Variants in ADAMTSL3 observed in about 807,000 individuals in gnomAD.
ADAMTSL3 encodes the protein ADAMTS like 3, also known as ADAMTS-like protein 3.
ADAMTSL3 carries 128 observed loss-of-function variants against 201.7 expected under a neutral mutation model. That is an observed-to-expected ratio of 0.63 (90% CI 0.55 to 0.73). The LOEUF is 0.73. Ranked by LOEUF, ADAMTSL3 falls within the 30% of genes least tolerant of loss-of-function variation. The pLI is 0.00. For synonymous variants in ADAMTSL3, 738 were observed against 748.4 expected, an observed-to-expected ratio of 0.99 and a Z score of 0.23; for missense variants, 1,990 against 2,119.6, an observed-to-expected ratio of 0.94 and a Z score of 1.20.
intron 19 of ADAMTSL3, among the ~76,000 whole-genome samples, chr15:83,963,438 T>A (rs1342357278): frequency 6.6e-6 from 1 of 152,148 alleles, no homozygotes; most frequent in Non-Finnish European, 1.5e-5. Context: ...AAAGCCACTG[T>A]AGCCAGACTG....
chr15:83,999,942 A>G (rs1384508102), intron 23 of ADAMTSL3, among the ~76,000 whole-genome samples: 1 of 152,130 alleles, frequency 6.6e-6, no homozygotes, highest in African/African-American at 2.4e-5. Context: ...AAATTCCTAA[A>G]CATGGTCTCA....
rs146231437 is a variant in ADAMTSL3 at position 83,672,133 on chromosome 15, C to T, written c.69+16303C>T. On this transcript the variant is annotated intron_variant, in intron 2 of 29. Coordinates refer to ENST00000286744, the MANE Select transcript of ADAMTSL3 (RefSeq NM_207517.3). The stretch of plus-strand genomic sequence containing the variant: ...ATTTTAAACCCTGTCACCCTTAAAT[C>T]CAAATAGAAGTGACCACCCTGGGAA... 3.3e-5 allele frequency among the ~76,000 whole-genome samples: 5 copies of T among 152,090 alleles called. 1 individual carries two copies. The highest frequency in any genetic ancestry group is 7.4e-5 in the Non-Finnish European group (5 of 68,020).
At chr15:83,786,980 T>G (rs1043455491) in intron 4 of ADAMTSL3, among the ~76,000 whole-genome samples, 3 of 152,176 alleles carry the variant, frequency 2.0e-5, no homozygotes, top group African/African-American at 7.2e-5. Context: ...CAAATAGCAT[T>G]TATTGAAGGA....
chr15:83,693,550 C>A lies in ADAMTSL3; in HGVS notation c.70-10839C>A, dbSNP rs79110438. On this transcript the variant is annotated intron_variant, in intron 2 of 29. Transcript: ENST00000286744. ...CCTTTGAAATCTCCAAGGAAGATGG[C>A]AAGATCCAACTTGTCAGTTTAGATA... is the stretch of plus-strand genomic sequence containing the variant. 4.2e-3 allele frequency among the ~76,000 whole-genome samples: 645 copies of A among 152,188 alleles called. 3 individuals carry two copies. The highest frequency in any genetic ancestry group is 5.7e-3 in the Non-Finnish European group (385 of 67,992).
chr15:83,970,409 T>C, intron 19 of ADAMTSL3, 75 bp from the exon 20 acceptor site: 1 of 1,564,006 alleles, frequency 6.4e-7, no homozygotes. Context: ...GTTTCACCCT[T>C]GGAGACTTTG....
intron 2 of ADAMTSL3, among the ~76,000 whole-genome samples, chr15:83,695,868 T>C (rs1482961538): frequency 6.6e-6 from 1 of 152,172 alleles, no homozygotes; most frequent in African/African-American, 2.4e-5. Flanking sequence ...CTGGAAGGTT[T>C]ATTTTTTAAC....
At position 84,008,361 on chromosome 15, in the gene ADAMTSL3, C is replaced by T. The variant is rs1448783186; in HGVS notation, c.3974-6181C>T. Among the ~76,000 whole-genome samples the T allele has an allele frequency of 2.0e-5, 3 of 152,240 alleles. No homozygotes were observed. The East Asian group carries it at 5.8e-4, about 29-fold the overall frequency. On this transcript the variant is annotated intron_variant, in intron 23 of 29. Coordinates refer to ENST00000286744, the MANE Select transcript of ADAMTSL3 (RefSeq NM_207517.3). ...CTGCCCACCTCGGCCTCCCACAATG[C>T]TGAGATTACAGGTGTGAGCCACCAC...
chr15:83,942,039 C>T (rs748224568), intron 17 of ADAMTSL3, among the ~76,000 whole-genome samples: 3 of 152,028 alleles, frequency 2.0e-5, no homozygotes, highest in Admixed American at 1.3e-4. Flanking sequence ...AAATATGTGT[C>T]GAAAGCAGCT....
intron 4 of ADAMTSL3, among the ~76,000 whole-genome samples, chr15:83,800,766 C>T (rs1362985091): frequency 6.6e-6 from 1 of 152,182 alleles, no homozygotes; most frequent in Non-Finnish European, 1.5e-5. Context: ...TTTACAGCTG[C>T]AAGTCAGCAT....
chr15:83,982,325 C>T lies in ADAMTSL3; in HGVS notation c.2697C>T (p.Leu899=). ...TKLGEQGPQI[L]SVQRVYIQTR... ...TTGGTGAGCAGGGTCCGCAGATCCT[C>T]AGTGTCCAGAGAGTCTACATTCAGA... is the stretch of plus-strand genomic sequence containing the variant. The change falls in exon 21 of 30, where the codon CTC becomes CTT. Residue 899 remains leucine, a synonymous_variant. Transcript: ENST00000286744. The T allele has an allele frequency of 6.2e-7, 1 of 1,613,690 alleles. No individual in the cohort carries two copies. Among genetic ancestry groups the T allele is most frequent in the East Asian group, 2.2e-5 (1 of 44,852 alleles).
chr15:83,958,869 A>G (rs1199694298), intron 19 of ADAMTSL3, among the ~76,000 whole-genome samples: 1 of 152,196 alleles, frequency 6.6e-6, no homozygotes, highest in South Asian at 2.1e-4. Flanking sequence ...ACTAAACACT[A>G]GAAGAAACTC....
At position 83,786,619 on chromosome 15, in the gene ADAMTSL3, C is replaced by T. The variant is rs185437957; in HGVS notation, c.317+12969C>T. ...AATACTGCTATGGCATTATTTATTACCTAATATTCTTTCCTTCGCTTCAAA... is the reference window on the plus strand; with the variant it reads ...AATACTGCTATGGCATTATTTATTATCTAATATTCTTTCCTTCGCTTCAAA... On this transcript the variant is annotated intron_variant, in intron 4 of 29. Transcript: ENST00000286744. Among the ~76,000 whole-genome samples, 4 of 151,988 alleles carry T rather than the reference C, an allele frequency of 2.6e-5. No individual in the cohort carries two copies. The East Asian group carries it at 7.7e-4, about 29-fold the overall frequency.
chr15:83,988,887 A>T (rs200069439), intron 22 of ADAMTSL3, 69 bp downstream of exon 22: 28,258 of 808,400 alleles, frequency 0.035, 345 homozygotes, highest in Non-Finnish European at 0.037. Flanking sequence ...TTATTTATTT[A>T]TTTTTTTTTT....
chr15:83,841,681 G>T (rs2064376945), intron 7 of ADAMTSL3, among the ~76,000 whole-genome samples: 1 of 151,990 alleles, frequency 6.6e-6, no homozygotes, highest in African/African-American at 2.4e-5. Context: ...AAATTGAAGG[G>T]CGGGGTTCCT....
chr15:83,676,340 G>A lies in ADAMTSL3; in HGVS notation c.69+20510G>A, dbSNP rs529091354. On this transcript the variant is annotated intron_variant, in intron 2 of 29. Coordinates refer to ENST00000286744, the MANE Select transcript of ADAMTSL3 (RefSeq NM_207517.3). ...ATTTTTAAGCTTTCCTTTGTGCTAT[G>A]TTCTCAATGTTTGTGTCCATCCACC... is the stretch of plus-strand genomic sequence containing the variant. 2.8e-4 allele frequency among the ~76,000 whole-genome samples: 42 copies of A among 151,990 alleles called. No individual in the cohort carries two copies. The South Asian group carries it at 8.3e-3, about 30-fold the overall frequency.
chr15:83,913,448 G>A (rs2065972195), intron 16 of ADAMTSL3, 70 bp downstream of exon 16: 5 of 1,509,400 alleles, frequency 3.3e-6, no homozygotes, highest in Non-Finnish European at 4.5e-6. Context: ...TACTCAATCA[G>A]GTAAGCCAAA....
At chr15:83,921,345 A>G (rs1280991425) in intron 16 of ADAMTSL3, among the ~76,000 whole-genome samples, 1 of 152,134 alleles carries the variant, frequency 6.6e-6, no homozygotes, top group Non-Finnish European at 1.5e-5. Context: ...TAGTGTATCT[A>G]TTTCTAGGGC....
chr15:83,746,628 A>G (rs963208641), intron 3 of ADAMTSL3, among the ~76,000 whole-genome samples: 2 of 152,304 alleles, frequency 1.3e-5, no homozygotes, highest in African/African-American at 4.8e-5. Context: ...AATGATATTT[A>G]CAATGATAGT....
intron 7 of ADAMTSL3, among the ~76,000 whole-genome samples, chr15:83,854,888 T>C (rs1301863015): frequency 6.6e-6 from 1 of 152,256 alleles, no homozygotes; most frequent in Non-Finnish European, 1.5e-5. Flanking sequence ...CTGTCTTCTT[T>C]TGTCATAATT....
Sources: allele counts gnomAD v4.1 joint callset (sites outside exome capture counted in the v4.1 genomes callset), GRCh38; gene constraint gnomAD v4.1.1; transcripts MANE v1.5; gene names NCBI Gene and HGNC (gene_info 2026-07-23, HGNC 2026-07-21).